Variants in ONECUT1 observed in about 807,000 individuals in gnomAD.
The protein encoded by ONECUT1 is hepatocyte nuclear factor 6.
In ONECUT1, 12 loss-of-function variants were observed where a neutral mutation model predicts 25.6. That is an observed-to-expected ratio of 0.47 (90% confidence interval 0.30 to 0.76). ONECUT1 has a LOEUF of 0.76. Ranked by LOEUF, ONECUT1 falls within the 30% of genes least tolerant of loss-of-function variation. ONECUT1 has a pLI of 0.07. For synonymous variants in ONECUT1, 285 were observed against 270.2 expected (o/e 1.05, Z -0.54); for missense variants, 620 against 651.2 (o/e 0.95, Z 0.52).
chr15:52,773,990 A>AT (rs1477505996), intron 1 of ONECUT1, among the ~76,000 whole-genome samples: 2 of 152,114 alleles, frequency 1.3e-5, no homozygotes, highest in African/African-American at 4.8e-5. Flanking sequence ...ATTACCAGAG[A>AT]TTTTTTATTG....
At chr15:52,777,697 AACACAC>A (rs369734028) in intron 1 of ONECUT1, among the ~76,000 whole-genome samples, 65 of 122,162 alleles carry the variant, frequency 5.3e-4, no homozygotes, top group South Asian at 8.8e-4. Flanking sequence ...CTTCCTGGAA[AACACAC>A]ACACACACAC....
Position 52,755,312 on chromosome 15 carries a change from C to T in ONECUT1, c.*2243G>A, listed in dbSNP as rs9652454. Among the ~76,000 whole-genome samples, 1 of 152,120 alleles carries T rather than the reference C, an allele frequency of 6.6e-6. No individual in the cohort carries two copies. The highest frequency in any genetic ancestry group is 6.5e-5 in the Admixed American group (1 of 15,278). On this transcript the variant is annotated 3_prime_UTR_variant, in exon 2 of 2. Transcript: ENST00000305901. ...TCAGTTTTTTCCTTTTTGTTTATGT[C>T]ATTGACAAGATTCTATTTTTTAGTA...
intron 1 of ONECUT1, among the ~76,000 whole-genome samples, chr15:52,766,373 A>G (rs2083734791): frequency 6.6e-6 from 1 of 152,056 alleles, no homozygotes; most frequent in Admixed American, 6.5e-5. Flanking sequence ...CATCATGGAA[A>G]CTTTCCCCAG....
intron 1 of ONECUT1, chr15:52,785,678 C>G (rs560170355): frequency 4.6e-5 from 7 of 152,390 alleles, no homozygotes; most frequent in Admixed American, 6.5e-5. Context: ...GGCGCGCCAC[C>G]CACCCACACC....
At chr15:52,760,254 G>A (rs1299673542) in intron 1 of ONECUT1, among the ~76,000 whole-genome samples, 1 of 152,132 alleles carries the variant, frequency 6.6e-6, no homozygotes, top group Non-Finnish European at 1.5e-5. Context: ...CCAGGTGAGA[G>A]TCTCCAAATA....
Position 52,790,039 on chromosome 15 carries a change from G to T in ONECUT1, c.-155C>A, listed in dbSNP as rs1215456241. The T allele has an allele frequency of 9.2e-7, 1 of 1,083,084 alleles. No individual in the cohort carries two copies. Among genetic ancestry groups the T allele is most frequent in the Middle Eastern group, 3.1e-4 (1 of 3,260 alleles). The allele number at this position is 1,083,084 out of a possible 1,614,324, so 67.1% of individuals were successfully genotyped here. On this transcript the variant is annotated 5_prime_UTR_variant, in exon 1 of 2. Coordinates refer to ENST00000305901, the MANE Select transcript of ONECUT1 (RefSeq NM_004498.4). The stretch of plus-strand genomic sequence containing the variant: ...TCTGTCTCTCTCTCTCTCTCTCTCC[G>T]TGTGTGTGTGTCCGTGTGTGCGTGT...
intron 1 of ONECUT1, among the ~76,000 whole-genome samples, chr15:52,780,136 C>A (rs186352135): frequency 6.6e-6 from 1 of 152,334 alleles, no homozygotes; most frequent in African/African-American, 2.4e-5. Context: ...TTTGGTTTAA[C>A]AACGTCTGCA....
chr15:52,761,712 A>T (rs971910597), intron 1 of ONECUT1, among the ~76,000 whole-genome samples: 4 of 152,216 alleles, frequency 2.6e-5, no homozygotes, highest in African/African-American at 9.6e-5. Flanking sequence ...ACCCAAAATT[A>T]GACAATGGCA....
rs1159931914 is a variant in ONECUT1, at chr15:52,764,666, A to G, written c.1106-6819T>C. Among the ~76,000 whole-genome samples, 5 of 152,202 alleles carry G rather than the reference A, an allele frequency of 3.3e-5. No homozygotes were observed. In the East Asian group the frequency reaches 9.6e-4, roughly 29 times the overall value. Reference sequence around the variant, plus strand: ...TCGCAGAGAAAGTGGACTAGAGAGCAGTAAAGGGGAAAGGCTGAGATGTCC... The same window carrying G: ...TCGCAGAGAAAGTGGACTAGAGAGCGGTAAAGGGGAAAGGCTGAGATGTCC... On this transcript the variant is annotated intron_variant, in intron 1 of 1. Coordinates refer to ENST00000305901, the MANE Select transcript of ONECUT1 (RefSeq NM_004498.4).
intron 1 of ONECUT1, among the ~76,000 whole-genome samples, chr15:52,782,277 T>C (rs1450082707): frequency 6.6e-6 from 1 of 152,212 alleles, no homozygotes; most frequent in Non-Finnish European, 1.5e-5. Flanking sequence ...AGCAAGACCC[T>C]GTGATAAGTA....
At chr15:52,763,571 G>A (rs753894129) in intron 1 of ONECUT1, among the ~76,000 whole-genome samples, 24 of 152,202 alleles carry the variant, frequency 1.6e-4, no homozygotes, top group Admixed American at 4.6e-4. Context: ...GGGAAATGCT[G>A]AATTAATTAA....
In ONECUT1 at chr15:52,755,146, G is replaced by A. The variant is rs1464717008; in HGVS notation, c.*2409C>T. The stretch of plus-strand genomic sequence containing the variant: ...GGGGTATTGAATTTGGTAAGATTGT[G>A]TGTAGACACAGCTTGAATTTCCCTG... On this transcript the variant is annotated 3_prime_UTR_variant, in exon 2 of 2. Transcript: ENST00000305901. Among the ~76,000 whole-genome samples, 3 of 151,868 alleles carry A rather than the reference G, an allele frequency of 2.0e-5. No individual in the cohort carries two copies. The highest frequency in any genetic ancestry group is 4.4e-5 in the Non-Finnish European group (3 of 67,994).
At chr15:52,767,161 A>T (rs1270492468) in intron 1 of ONECUT1, among the ~76,000 whole-genome samples, 1 of 152,144 alleles carries the variant, frequency 6.6e-6, no homozygotes, top group Non-Finnish European at 1.5e-5. Flanking sequence ...AAAATGGTAC[A>T]GCTGGGATTT....
intron 1 of ONECUT1, among the ~76,000 whole-genome samples, chr15:52,778,695 G>T (rs1596054271): frequency 1.3e-5 from 2 of 152,210 alleles, no homozygotes; most frequent in African/African-American, 4.8e-5. Flanking sequence ...CTGACCACCT[G>T]ACAAGGGACT....
intron 1 of ONECUT1, among the ~76,000 whole-genome samples, chr15:52,769,876 G>A (rs1456957230): frequency 2.6e-5 from 4 of 152,160 alleles, no homozygotes; most frequent in African/African-American, 7.2e-5. Flanking sequence ...TCAGATTTAT[G>A]GATAATGTCA....
intron 1 of ONECUT1, among the ~76,000 whole-genome samples, chr15:52,771,650 AT>A (rs11289668): frequency 0.53 from 79,251 of 149,698 alleles, 20,927 homozygotes; most frequent in Non-Finnish European, 0.54. Flanking sequence ...TAATCACTAA[AT>A]TTTTTTTTTT....
At position 52,789,618 on chromosome 15, in the gene ONECUT1, C is replaced by T; in HGVS notation, c.267G>A (p.Met89Ile). 6.4e-7 allele frequency: 1 copy of T among 1,562,220 alleles called. No individual in the cohort carries two copies. Among genetic ancestry groups the T allele is most frequent in the Non-Finnish European group, 8.7e-7 (1 of 1,152,076 alleles). Residue 89 changes from methionine to isoleucine, a missense_variant, in exon 1 of 2, where the codon ATG becomes ATA. Physicochemically the swap from Met to Ile is conservative, Grantham distance 10. Transcript: ENST00000305901. The surrounding 1 kb of genome is among the most constrained non-coding windows in gnomAD (Gnocchi z 4.1). ...LAGPLHPTMTMACETPPGMSM... is the reference protein window; with the variant it reads ...LAGPLHPTMTIACETPPGMSM... ...TCATACCTGGGGGAGTCTCGCAGGC[C>T]ATGGTCATGGTGGGATGCAGGGGGC...
intron 1 of ONECUT1, among the ~76,000 whole-genome samples, chr15:52,776,836 T>C (rs1053748963): frequency 8.5e-5 from 13 of 152,200 alleles, no homozygotes; most frequent in Admixed American, 7.9e-4. Flanking sequence ...TTTGGGCGAA[T>C]GAAGGAAAAC....
In ONECUT1 at chr15:52,789,436, G is replaced by A. The variant is rs1451990208; in HGVS notation, c.449C>T (p.Thr150Met). ...CAGCCCGCGCTCATCCCGCATGAGC[G>A]TGAAGCTACCGCTCACGTTGCCCGC... ...RLAGNVSGSF[T>M]LMRDERGLAS... is the part of the protein sequence containing the mutation. Residue 150 changes from threonine (T) to methionine (M), a missense_variant, in exon 1 of 2, where the codon ACG becomes ATG. By Grantham distance (81) the Thr-to-Met change is moderately conservative. This residue lies in a region of ONECUT1 where 440 missense variants were observed against 404.9 expected (regional missense o/e 1.09). Coordinates refer to ENST00000305901, the MANE Select transcript of ONECUT1 (RefSeq NM_004498.4). This position sits in a 1 kb window ranked among gnomAD's most constrained non-coding sequence, Gnocchi z 4.1. The A allele has an allele frequency of 6.2e-7, 1 of 1,613,880 alleles. No homozygotes were observed. Among genetic ancestry groups the A allele is most frequent in the Non-Finnish European group, 8.5e-7 (1 of 1,179,994 alleles).
Sources: gnomAD v4.1 joint callset for allele counts (sites outside exome capture counted in the v4.1 genomes callset) on GRCh38, gnomAD v4.1.1 for gene constraint, gnomAD v4.1.1 regional missense constraint, Gnocchi (gnomAD v3.1) non-coding constraint, MANE v1.5 for transcripts, NCBI Gene and HGNC (gene_info 2026-07-23, HGNC 2026-07-21) for gene names.